The following DPP6 variants were observed in gnomAD, a reference collection of about 807,000 sequenced individuals.
DPP6 encodes A-type potassium channel modulatory protein DPP6.
Under a neutral mutation model 122.6 loss-of-function variants are expected in DPP6, and 69 were observed. The ratio of observed to expected loss-of-function variants is 0.56; its 90% CI spans 0.46 to 0.69. The LOEUF is 0.69. Ranked by LOEUF, DPP6 falls within the 30% of genes least tolerant of loss-of-function variation. The pLI is 0.00. For missense variants in DPP6, 928 were observed against 1,116.9 expected (o/e 0.83, Z 2.41); for synonymous variants, 418 against 433.1 (o/e 0.97, Z 0.43).
intron 1 of DPP6, among the ~76,000 whole-genome samples, chr7:154,417,698 A>G (rs532657800): frequency 1.3e-5 from 2 of 151,932 alleles, no homozygotes; most frequent in Non-Finnish European, 2.9e-5. Flanking sequence ...CAAGTCAGTT[A>G]CTCTGTCCTT....
At chr7:154,356,449 T>C (rs112548624) in intron 1 of DPP6, among the ~76,000 whole-genome samples, 4 of 152,286 alleles carry the variant, frequency 2.6e-5, no homozygotes, top group African/African-American at 9.6e-5. Context: ...TTGCCTGTAA[T>C]CCCAGCACTT....
chr7:154,852,890 T>A (rs1016123172), intron 16 of DPP6, among the ~76,000 whole-genome samples: 1 of 13,864 alleles, frequency 7.2e-5, no homozygotes, highest in Non-Finnish European at 1.2e-4. Flanking sequence ...GACATTTAAA[T>A]GAAGGAAACA....
At chr7:154,444,237 C>A (rs75261507) in intron 1 of DPP6, among the ~76,000 whole-genome samples, 1 of 151,808 alleles carries the variant, frequency 6.6e-6, no homozygotes, top group African/African-American at 2.4e-5. Context: ...GCGGGCGGAT[C>A]GCAAGGTCAG....
chr7:154,606,095 A>G lies in DPP6; in HGVS notation c.628-31726A>G, dbSNP rs967279181. Among the ~76,000 whole-genome samples the G allele has an allele frequency of 8.3e-5, 10 of 120,030 alleles. 3 individuals are homozygous for G. The highest frequency in any genetic ancestry group is 1.9e-4 in the Non-Finnish European group (10 of 53,250). 78.7% of individuals were successfully genotyped at this position (120,030 alleles called of 152,430 possible). On this transcript the variant is annotated intron_variant, in intron 5 of 25. Transcript: ENST00000377770. ...ATATTTGAGACTTTGTATTTGATCA[A>G]TTTTCATGACAAGGATTAATTTATA...
Position 154,442,396 on chromosome 7 carries a change from A to G in DPP6, c.244-3818A>G, listed in dbSNP as rs576994391. Among the ~76,000 whole-genome samples the G allele has an allele frequency of 6.6e-4, 101 of 152,218 alleles. 1 individual carries two copies. The highest frequency in any genetic ancestry group is 5.6e-3 in the Admixed American group (86 of 15,288). ...GTGATTGTGTCCAGGGGGAAAGAATAATGCCGGTGAAACCAGGCAAGACTT... is the reference window on the plus strand; with the variant it reads ...GTGATTGTGTCCAGGGGGAAAGAATGATGCCGGTGAAACCAGGCAAGACTT... On this transcript the variant is annotated intron_variant, in intron 1 of 25. Transcript: ENST00000377770.
At chr7:154,431,476 CTTTTCT>C (rs1818390567) in intron 1 of DPP6, among the ~76,000 whole-genome samples, 1 of 18,860 alleles carries the variant, frequency 5.3e-5, no homozygotes, top group Non-Finnish European at 9.1e-5. Context: ...CTTTTCTTTT[CTTTTCT>C]TTTCTTTTCT....
chr7:153,807,806 C>G, the DPP6 span, among the ~76,000 whole-genome samples: 6 of 151,970 alleles, frequency 3.9e-5, no homozygotes, highest in Non-Finnish European at 7.3e-5. Flanking sequence ...TTTCCAAACA[C>G]CAGTATTGAT....
chr7:154,760,658 A>G lies in DPP6; in HGVS notation c.884-8759A>G, dbSNP rs1795479103. Among the ~76,000 whole-genome samples the G allele has an allele frequency of 6.6e-6, 1 of 152,154 alleles. No homozygotes were observed. The highest frequency in any genetic ancestry group is 2.1e-4 in the South Asian group (1 of 4,818). The stretch of plus-strand genomic sequence containing the variant: ...TAACAAATGAGTGAGAAACGAGAAC[A>G]TCCTTGCCACACTGGGACCTGTTTG... On this transcript the variant is annotated intron_variant, in intron 8 of 25. Coordinates refer to ENST00000377770, the MANE Select transcript of DPP6 (RefSeq NM_130797.4). The surrounding 1 kb of genome is among the most constrained non-coding windows in gnomAD (Gnocchi z 4.5).
chr7:154,184,807 C>A (rs1298760105), intron 1 of DPP6, among the ~76,000 whole-genome samples: 1 of 152,028 alleles, frequency 6.6e-6, no homozygotes, highest in Admixed American at 6.6e-5. Flanking sequence ...TGTTGGGAAT[C>A]TAATTTTAAC....
intron 1 of DPP6, among the ~76,000 whole-genome samples, chr7:154,424,972 A>G (rs1472388922): frequency 6.6e-6 from 1 of 152,168 alleles, no homozygotes; most frequent in Non-Finnish European, 1.5e-5. Flanking sequence ...ATTCTCGTTG[A>G]TTGATTTTTT....
intron 4 of DPP6, among the ~76,000 whole-genome samples, chr7:154,546,352 A>G (rs1829188221): frequency 6.6e-6 from 1 of 152,088 alleles, no homozygotes; most frequent in Non-Finnish European, 1.5e-5. Context: ...AATGCCATTT[A>G]TTCAATAATT....
chr7:154,404,768 G>A (rs1006796716), intron 1 of DPP6, among the ~76,000 whole-genome samples: 2 of 152,172 alleles, frequency 1.3e-5, no homozygotes, highest in African/African-American at 4.8e-5. Flanking sequence ...TTCTGGAGAG[G>A]AAATCAACCT....
At chr7:154,661,970 A>T (rs1436216118) in intron 6 of DPP6, among the ~76,000 whole-genome samples, 1 of 149,916 alleles carries the variant, frequency 6.7e-6, no homozygotes, top group Non-Finnish European at 1.5e-5. Context: ...ATGGTGAATC[A>T]GCATGGTGTA....
chr7:154,487,193 G>A (rs556047684), intron 3 of DPP6, among the ~76,000 whole-genome samples: 11 of 152,146 alleles, frequency 7.2e-5, no homozygotes, highest in South Asian at 2.1e-4. Flanking sequence ...GTGTATATAC[G>A]TGTATACGTA....
intron 17 of DPP6, among the ~76,000 whole-genome samples, chr7:154,865,844 G>A (rs1300714700): frequency 4.6e-5 from 7 of 152,150 alleles, no homozygotes; most frequent in East Asian, 1.9e-4. Context: ...ACCCAGACTC[G>A]TTACCATCTA....
At chr7:154,507,105 AGT>A (rs2129722605) in intron 3 of DPP6, among the ~76,000 whole-genome samples, 1 of 152,230 alleles carries the variant, frequency 6.6e-6, no homozygotes, top group South Asian at 2.1e-4. Context: ...ATGGCCATTG[AGT>A]GTGTTAAGCA....
chr7:154,613,926 C>G (rs530648485), intron 5 of DPP6, among the ~76,000 whole-genome samples: 2 of 152,338 alleles, frequency 1.3e-5, no homozygotes, highest in African/African-American at 2.4e-5. Context: ...ACGCCCTGCG[C>G]CAAGCCTCCA....
chr7:154,650,792 T>G (rs1170471380), intron 6 of DPP6, among the ~76,000 whole-genome samples: 2 of 152,156 alleles, frequency 1.3e-5, no homozygotes, highest in African/African-American at 4.8e-5. Context: ...TAGAAATTAA[T>G]TCAAACCTGG....
chr7:153,770,732 G>T, the DPP6 span, among the ~76,000 whole-genome samples: 1 of 152,168 alleles, frequency 6.6e-6, no homozygotes, highest in Admixed American at 6.5e-5. Flanking sequence ...AGGCATGAAT[G>T]GAAAAGGTGA....
Sources: allele counts gnomAD v4.1 joint callset (sites outside exome capture counted in the v4.1 genomes callset), GRCh38; gene constraint gnomAD v4.1.1; non-coding constraint Gnocchi (gnomAD v3.1); transcripts MANE v1.5; gene names NCBI Gene and HGNC (gene_info 2026-07-23, HGNC 2026-07-21).